The following RFX2 variants were observed in gnomAD, a reference collection of about 807,000 sequenced individuals.
RFX2 encodes the protein DNA-binding protein RFX2.
RFX2 carries 20 observed loss-of-function variants against 87.8 expected under a neutral mutation model. The observed-to-expected ratio is 0.23, with a 90% CI of 0.16 to 0.33. The LOEUF (loss-of-function observed/expected upper bound fraction) is 0.33. RFX2 is among the 10% of genes least tolerant of loss of function. The probability of loss-of-function intolerance (pLI) is 1.00; values close to 1 mark genes in which losing one functional copy is unlikely to be tolerated. For missense variants in RFX2, 767 were observed against 1,012.3 expected, an observed-to-expected ratio of 0.76 and a Z score of 3.29; for synonymous variants, 397 against 431.3, an observed-to-expected ratio of 0.92 and a Z score of 0.98.
chr19:6,045,685 T>G lies in RFX2; in HGVS notation c.91-1403A>C, dbSNP rs1404714965. Among the ~76,000 whole-genome samples, 2 of 152,158 alleles carry G rather than the reference T, an allele frequency of 1.3e-5. No individual in the cohort carries two copies. Among genetic ancestry groups the G allele is most frequent in the Non-Finnish European group, 2.9e-5 (2 of 68,034 alleles). ...TTTTTTGTTTTTGTTTTTTTGTGTT[T>G]TTTGGGACGGATTTTTGCTCTTGTC... On this transcript the variant is annotated intron_variant, in intron 2 of 17. Transcript: ENST00000303657. This position sits in a 1 kb window ranked among gnomAD's most constrained non-coding sequence, Gnocchi z 5.2.
rs1292675321 is a variant in RFX2 at position 6,056,445 on chromosome 19, C to T, written c.-8-8941G>A. Among the ~76,000 whole-genome samples the T allele has an allele frequency of 6.6e-6, 1 of 152,202 alleles. No homozygotes were observed. The highest frequency in any genetic ancestry group is 1.5e-5 in the Non-Finnish European group (1 of 68,032). On this transcript the variant is annotated intron_variant, in intron 1 of 17. Coordinates refer to ENST00000303657, the MANE Select transcript of RFX2 (RefSeq NM_000635.4). The surrounding 1 kb of genome is among the most constrained non-coding windows in gnomAD (Gnocchi z 4.6). Reference sequence around the variant, plus strand: ...CGGTGCTTCCAGGTAAGCGCAGTAGCTCACATGGTCCTCCCAGAAGGGGTG... The same window carrying T: ...CGGTGCTTCCAGGTAAGCGCAGTAGTTCACATGGTCCTCCCAGAAGGGGTG...
intron 16 of RFX2, among the ~76,000 whole-genome samples, chr19:5,996,368 G>A (rs562959360): frequency 2.0e-4 from 10 of 49,834 alleles, no homozygotes; most frequent in East Asian, 9.0e-4. Flanking sequence ...GCCACGCACC[G>A]GAACACAACT....
chr19:6,079,305 C>A (rs1040353614), intron 1 of RFX2, among the ~76,000 whole-genome samples: 1 of 152,172 alleles, frequency 6.6e-6, no homozygotes, highest in Non-Finnish European at 1.5e-5. Context: ...ATATACCAGA[C>A]AAACAAACTG....
intron 1 of RFX2, among the ~76,000 whole-genome samples, chr19:6,096,585 T>C (rs2088030346): frequency 6.6e-6 from 1 of 152,052 alleles, no homozygotes; most frequent in Non-Finnish European, 1.5e-5. Flanking sequence ...TAGCTGGGAC[T>C]ACAGGCGCCC....
In RFX2 at chr19:6,008,099, C is replaced by T. The variant is rs956424618; in HGVS notation, c.1134+7G>A. On this transcript the variant is annotated splice_region_variant and intron_variant, in intron 10 of 17. Coordinates refer to ENST00000303657, the MANE Select transcript of RFX2 (RefSeq NM_000635.4). Reference sequence around the variant, plus strand: ...CAGGAGCTGCCTGCCTGGGCTGGGGCGGTCACCTCGCAGTGCCGTCTGTAC... The same window carrying T: ...CAGGAGCTGCCTGCCTGGGCTGGGGTGGTCACCTCGCAGTGCCGTCTGTAC... 40 of 1,542,840 alleles carry T rather than the reference C, an allele frequency of 2.6e-5. No homozygotes were observed. Among genetic ancestry groups the T allele is most frequent in the African/African-American group, 4.1e-5 (3 of 72,902 alleles).
rs542970512 is a variant in RFX2, at chr19:6,096,726, G to A, written c.-9+13667C>T. 6.6e-5 allele frequency among the ~76,000 whole-genome samples: 10 copies of A among 152,298 alleles called. No homozygotes were observed. The South Asian group carries it at 8.3e-4, about 13-fold the overall frequency. ...CTCCCAAAGTGCTGGGATTACAGGC[G>A]TAAGGCACTGCACCTGGCCTCGTTT... On this transcript the variant is annotated intron_variant, in intron 1 of 17. Coordinates refer to ENST00000303657, the MANE Select transcript of RFX2 (RefSeq NM_000635.4).
chr19:6,019,632 C>T (rs1449546691), intron 6 of RFX2, among the ~76,000 whole-genome samples: 2 of 148,466 alleles, frequency 1.3e-5, no homozygotes, highest in African/African-American at 5.1e-5. Flanking sequence ...ATCCTGTCAC[C>T]ACCCCAGGCT....
At chr19:5,995,498 C>G (rs2086394241) in intron 17 of RFX2, 103 bp downstream of exon 17, 1 of 1,188,810 alleles carries the variant, frequency 8.4e-7, no homozygotes, top group Non-Finnish European at 1.2e-6. Context: ...CAAGGGGCTG[C>G]CCGCATTTCC....
rs1443958873 is a variant in RFX2 at position 5,998,043 on chromosome 19, C to T, written c.1860-830G>A. Reference sequence around the variant, plus strand: ...CCAAAGGGGGCTAGGCACGGTCGCTCACACCTGTAATCCCAGCACTTTGGG... The same window carrying T: ...CCAAAGGGGGCTAGGCACGGTCGCTTACACCTGTAATCCCAGCACTTTGGG... On this transcript the variant is annotated intron_variant, in intron 15 of 17. Coordinates refer to ENST00000303657, the MANE Select transcript of RFX2 (RefSeq NM_000635.4). The surrounding 1 kb of genome is among the most constrained non-coding windows in gnomAD (Gnocchi z 4.2). Among the ~76,000 whole-genome samples, 1 of 152,108 alleles carries T rather than the reference C, an allele frequency of 6.6e-6. No individual in the cohort carries two copies. Among genetic ancestry groups the T allele is most frequent in the East Asian group, 1.9e-4 (1 of 5,182 alleles).
At chr19:6,055,584 C>T (rs1293373249) in intron 1 of RFX2, among the ~76,000 whole-genome samples, 2 of 152,088 alleles carry the variant, frequency 1.3e-5, no homozygotes, top group Non-Finnish European at 2.9e-5. Flanking sequence ...GCACCATACC[C>T]GGCTAATTTT....
intron 1 of RFX2, among the ~76,000 whole-genome samples, chr19:6,098,965 CAAAAAAAAAAAAA>C (rs34110529): frequency 4.5e-4 from 24 of 52,800 alleles, no homozygotes; most frequent in South Asian, 2.7e-3. Context: ...GCTTGAACCA[CAAAAAAAAAAAAA>C]AAAAAAAAAA....
intron 1 of RFX2, among the ~76,000 whole-genome samples, chr19:6,059,022 C>T (rs1418683098): frequency 6.6e-6 from 1 of 152,000 alleles, no homozygotes; most frequent in Non-Finnish European, 1.5e-5. Context: ...CTCTGTCACC[C>T]AGACTAGAGT....
chr19:6,036,579 G>A (rs980624460), intron 5 of RFX2, among the ~76,000 whole-genome samples: 3 of 152,194 alleles, frequency 2.0e-5, no homozygotes, highest in Admixed American at 2.0e-4. Context: ...AGAAGTTATT[G>A]TGTAATTGAA....
In RFX2 at chr19:6,107,616, C is replaced by CAAAAAAA. The variant is rs1156483792; in HGVS notation, c.-9+2770_-9+2776dup. 5.3e-3 allele frequency among the ~76,000 whole-genome samples: 167 copies of CAAAAAAA among 31,552 alleles called. 31 individuals carry two copies. Among genetic ancestry groups the CAAAAAAA allele is most frequent in the African/African-American group, 0.018 (143 of 8,076 alleles). 20.7% of individuals were successfully genotyped at this position (31,552 alleles called of 152,430 possible). A position where few individuals can be genotyped will look rare whatever the true frequency, so the allele number is the denominator to read the frequency against. ...TGGGTGACAGAGTGAGACCCTGTCT[C>CAAAAAAA]AAAAAAAAAAAAAAAAAAAAAAAAA... On this transcript the variant is annotated intron_variant, in intron 1 of 17. Coordinates refer to ENST00000303657, the MANE Select transcript of RFX2 (RefSeq NM_000635.4).
chr19:6,095,638 G>T (rs890228708), intron 1 of RFX2, among the ~76,000 whole-genome samples: 1 of 152,020 alleles, frequency 6.6e-6, no homozygotes, highest in African/African-American at 2.4e-5. Context: ...CAGGGAAGGG[G>T]TCAAGAGACC....
intron 1 of RFX2, among the ~76,000 whole-genome samples, chr19:6,081,010 T>C (rs535389510): frequency 2.2e-5 from 3 of 137,116 alleles, no homozygotes; most frequent in Non-Finnish European, 4.6e-5. Flanking sequence ...CATACCAGCC[T>C]GGGCAACAGA....
chr19:6,080,095 G>T (rs1273107909), intron 1 of RFX2, among the ~76,000 whole-genome samples: 1 of 151,946 alleles, frequency 6.6e-6, no homozygotes, highest in African/African-American at 2.4e-5. Context: ...GCTGGAGAGT[G>T]CAGTGGCAAG....
chr19:6,019,937 C>G (rs1378567485), intron 6 of RFX2: 1 of 152,240 alleles, frequency 6.6e-6, no homozygotes, highest in Non-Finnish European at 1.5e-5. Flanking sequence ...AAAGACTGTC[C>G]AAGGAGGTAG....
At position 6,007,936 on chromosome 19, in the gene RFX2, G is replaced by A; in HGVS notation, c.1135-134C>T. 1 of 792,992 alleles carries A rather than the reference G, an allele frequency of 1.3e-6. No individual in the cohort carries two copies. Among genetic ancestry groups the A allele is most frequent in the Non-Finnish European group, 2.1e-6 (1 of 465,518 alleles). 49.1% of individuals were successfully genotyped at this position (792,992 alleles called of 1,614,324 possible). ...ATCCCAAGGGAGGCCACAGAGAGGA[G>A]AGGAGCAGGCGATGGACATGGATGC... On this transcript the variant is annotated intron_variant, in intron 10 of 17. Transcript: ENST00000303657. The surrounding 1 kb of genome is among the most constrained non-coding windows in gnomAD (Gnocchi z 8.2).
Sources: gnomAD v4.1 joint callset for allele counts (sites outside exome capture counted in the v4.1 genomes callset) on GRCh38, gnomAD v4.1.1 for gene constraint, Gnocchi (gnomAD v3.1) non-coding constraint, MANE v1.5 for transcripts, NCBI Gene and HGNC (gene_info 2026-07-23, HGNC 2026-07-21) for gene names.